CHD6: variants seen among roughly 807,000 people sequenced by gnomAD.
CHD6 encodes chromodomain helicase DNA binding protein 6.
A neutral mutation model predicts 276.9 loss-of-function variants in CHD6; 50 were observed. The observed-to-expected ratio is 0.18, with a 90% CI of 0.14 to 0.23. CHD6 has a LOEUF of 0.23. Among genes scored for constraint, CHD6 ranks in the 10% least tolerant of loss-of-function variants. CHD6 has a pLI of 1.00. For missense variants in CHD6, 2,564 were observed against 3,365.8 expected, an observed-to-expected ratio of 0.76 and a Z score of 5.89; for synonymous variants, 1,173 against 1,229.3, an observed-to-expected ratio of 0.95 and a Z score of 0.96.
chr20:41,460,350 C>A (rs2048505323), intron 17 of CHD6, among the ~76,000 whole-genome samples: 1 of 152,172 alleles, frequency 6.6e-6, no homozygotes, highest in African/African-American at 2.4e-5. Flanking sequence ...AACAAGAAGC[C>A]TAATGTTAAT....
chr20:41,533,397 A>G lies in CHD6; in HGVS notation c.207T>C (p.Ala69=), dbSNP rs951017753. The G allele has an allele frequency of 1.2e-6, 2 of 1,614,100 alleles. No homozygotes were observed. Among genetic ancestry groups the G allele is most frequent in the Non-Finnish European group, 1.7e-6 (2 of 1,180,008 alleles). Residue 69 remains alanine, a synonymous_variant, in exon 3 of 37, where the codon GCT becomes GCC. Coordinates refer to ENST00000373233, the MANE Select transcript of CHD6 (RefSeq NM_032221.5). The stretch of plus-strand genomic sequence containing the variant: ...ATGTCATTTTCCTAGGAAAAAGGGT[A>G]GCAGCTTCCTCTTCAGCAGTATACA... The part of the protein sequence containing the change: ...KDLYTAEEEA[A]TLFPRKMTSH...
At chr20:41,478,971 A>C (rs937435522) in intron 16 of CHD6, among the ~76,000 whole-genome samples, 2 of 151,960 alleles carry the variant, frequency 1.3e-5, no homozygotes, top group African/African-American at 4.9e-5. Context: ...AATGAAGTCA[A>C]GGAATGTTAA....
intron 36 of CHD6, among the ~76,000 whole-genome samples, chr20:41,408,170 C>T (rs1447819047): frequency 2.9e-5 from 4 of 139,750 alleles, no homozygotes; most frequent in African/African-American, 5.4e-5. Flanking sequence ...CATCACAGAG[C>T]TGGAAGAAAC....
chr20:41,507,790 T>C (rs999908959), intron 5 of CHD6, among the ~76,000 whole-genome samples: 13 of 152,176 alleles, frequency 8.5e-5, no homozygotes, highest in African/African-American at 2.4e-4. Context: ...ATTTTATCCT[T>C]AGGGAAAAAT....
chr20:41,547,672 C>A, intron 2 of CHD6: 1 of 727,940 alleles, frequency 1.4e-6, no homozygotes, highest in Non-Finnish European at 2.3e-6. Context: ...ATCATCAAAG[C>A]CCTCAAGGAA....
intron 3 of CHD6, among the ~76,000 whole-genome samples, chr20:41,519,562 A>G (rs1220422778): frequency 1.3e-5 from 2 of 152,190 alleles, no homozygotes; most frequent in African/African-American, 4.8e-5. Context: ...AAAGAATTCT[A>G]CAAACTGCAG....
At position 41,564,081 on chromosome 20, in the gene CHD6, T is replaced by C. The variant is rs771677493; in HGVS notation, c.-23-12721A>G. ...TGTGGGATTTGGGCAACTTATTTGA[T>C]CTCCCTGGGTCTCAGTTTCTTCATT... On this transcript the variant is annotated intron_variant, in intron 1 of 36. Coordinates refer to ENST00000373233, the MANE Select transcript of CHD6 (RefSeq NM_032221.5). The C allele has an allele frequency of 1.2e-5, 9 of 779,304 alleles. No homozygotes were observed. In the South Asian group the frequency reaches 1.2e-4, roughly 10 times the overall value. The allele number at this position is 779,304 out of a possible 1,614,324, so 48.3% of individuals were successfully genotyped here. A position where few individuals can be genotyped will look rare whatever the true frequency, so the allele number is the denominator to read the frequency against.
intron 5 of CHD6, among the ~76,000 whole-genome samples, chr20:41,506,507 C>T (rs2043980229): frequency 6.6e-6 from 1 of 152,184 alleles, no homozygotes; most frequent in African/African-American, 2.4e-5. Context: ...AAATATTATA[C>T]TTTTAGTGAA....
At chr20:41,579,616 C>T (rs8125768) in intron 1 of CHD6, among the ~76,000 whole-genome samples, 3,069 of 152,188 alleles carry the variant, frequency 0.02, 53 homozygotes, top group Non-Finnish European at 0.033. Flanking sequence ...ATGTTTTAAG[C>T]ATACCTCCTT....
intron 6 of CHD6, among the ~76,000 whole-genome samples, chr20:41,498,587 A>G (rs975686815): frequency 3.9e-5 from 6 of 152,160 alleles, no homozygotes; most frequent in Non-Finnish European, 8.8e-5. Flanking sequence ...TGAAACACCA[A>G]TGGTAGTCAC....
chr20:41,450,740 C>T (rs1043321247), intron 23 of CHD6, among the ~76,000 whole-genome samples: 3 of 152,114 alleles, frequency 2.0e-5, no homozygotes, highest in Non-Finnish European at 2.9e-5. Flanking sequence ...CCAGGTTCTG[C>T]GGGAGAGCAG....
At chr20:41,594,738 T>C (rs1468326320) in intron 1 of CHD6, among the ~76,000 whole-genome samples, 1 of 152,182 alleles carries the variant, frequency 6.6e-6, no homozygotes, top group Non-Finnish European at 1.5e-5. Context: ...TCCCAACTAG[T>C]TGGTAATGGA....
chr20:41,614,818 C>G (rs767789828), intron 1 of CHD6: 2 of 152,186 alleles, frequency 1.3e-5, no homozygotes, highest in Non-Finnish European at 2.9e-5. Flanking sequence ...ACTGCGTTCT[C>G]CCTCTGCACT....
chr20:41,484,629 A>G, intron 14 of CHD6, 22 bp from the exon 15 acceptor site: 3 of 1,612,682 alleles, frequency 1.9e-6, no homozygotes, highest in Non-Finnish European at 2.5e-6. Flanking sequence ...AATGAGACCT[A>G]GTTACCTGCC....
chr20:41,618,161 G>C (rs1032803086), intron 1 of CHD6, among the ~76,000 whole-genome samples, 179 bp downstream of exon 1: 4 of 150,458 alleles, frequency 2.7e-5, no homozygotes, highest in Non-Finnish European at 5.9e-5. Context: ...CAGGCCGCCC[G>C]CCCGCCGGCC....
chr20:41,467,099 G>A (rs1355104482), intron 17 of CHD6, among the ~76,000 whole-genome samples: 1 of 152,094 alleles, frequency 6.6e-6, no homozygotes, highest in African/African-American at 2.4e-5. Context: ...CTCTGGACTT[G>A]TTAACTGAGA....
At chr20:41,533,677 T>C in intron 2 of CHD6, 107 bp from the exon 3 acceptor site, 1 of 1,012,234 alleles carries the variant, frequency 9.9e-7, no homozygotes, top group Non-Finnish European at 1.4e-6. Flanking sequence ...ATTTACTGAG[T>C]TCCCACTCTC....
At chr20:41,429,064 T>C (rs2047451384) in intron 27 of CHD6, among the ~76,000 whole-genome samples, 1 of 152,220 alleles carries the variant, frequency 6.6e-6, no homozygotes, top group Non-Finnish European at 1.5e-5. Flanking sequence ...CATCCTTTTA[T>C]GTACTGACCT....
intron 1 of CHD6, among the ~76,000 whole-genome samples, chr20:41,565,648 C>G (rs1024216082): frequency 1.1e-5 from 1 of 95,098 alleles, no homozygotes; most frequent in African/African-American, 6.5e-5. Flanking sequence ...ACATTGACTC[C>G]GAAGTACAAT....
Sources: gnomAD v4.1 joint callset for allele counts (sites outside exome capture counted in the v4.1 genomes callset) on GRCh38, gnomAD v4.1.1 for gene constraint, MANE v1.5 for transcripts, NCBI Gene and HGNC (gene_info 2026-07-23, HGNC 2026-07-21) for gene names.